The following COPG2 variants were observed in gnomAD, a reference collection of about 807,000 sequenced individuals.
COPG2 encodes the protein coatomer subunit gamma-2.
Under a neutral mutation model 46.3 loss-of-function variants are expected in COPG2, and 37 were observed. That is an observed-to-expected ratio of 0.80 (90% CI 0.61 to 1.05). The LOEUF (loss-of-function observed/expected upper bound fraction) is 1.05. Among genes scored for constraint, COPG2 ranks in the 50% least tolerant of loss-of-function variants. COPG2 has a pLI of 0.00. For missense variants in COPG2, 427 were observed against 387.8 expected, an observed-to-expected ratio of 1.10 and a Z score of -0.85; for synonymous variants, 159 against 129.7, an observed-to-expected ratio of 1.23 and a Z score of -1.53.
intron 4 of COPG2, among the ~76,000 whole-genome samples, chr7:130,661,924 A>G (rs1795988423): frequency 6.6e-6 from 1 of 152,186 alleles, no homozygotes; most frequent in Non-Finnish European, 1.5e-5. Flanking sequence ...GACTTCTACA[A>G]AGTATATCCT....
Position 130,667,510 on chromosome 7 carries a change from T to C in COPG2, c.62A>G (p.His21Arg). The stretch of plus-strand genomic sequence containing the variant: ...CTGTAAAACAGCACTCTTCTCCAGA[T>C]GCTGGAAAGGATTGGAGCCACTACC... ...ESGSGSNPFQ[H>R]LEKSAVLQEA... Residue 21 changes from histidine to arginine, a missense_variant, in exon 2 of 24, where the codon CAT becomes CGT. His to Arg is a conservative substitution (Grantham distance 29). Coordinates refer to ENST00000425248, the MANE Select transcript of COPG2 (RefSeq NM_012133.6). The C allele has an allele frequency of 6.2e-7, 1 of 1,613,650 alleles. No individual in the cohort carries two copies. The highest frequency in any genetic ancestry group is 1.1e-5 in the South Asian group (1 of 91,004).
chr7:130,550,683 C>T (rs1247084798), intron 16 of COPG2, 34 bp from the exon 17 acceptor site: 1 of 394,950 alleles, frequency 2.5e-6, no homozygotes, highest in Admixed American at 4.4e-5. Context: ...GCATTATAAC[C>T]TCTTGCCAAT....
chr7:130,512,176 G>A (rs1799607143), intron 20 of COPG2, among the ~76,000 whole-genome samples: 2 of 151,754 alleles, frequency 1.3e-5, no homozygotes, highest in African/African-American at 4.8e-5. Context: ...AGAGGTTGTG[G>A]TAAGCCGAGT....
chr7:130,507,002 G>C (rs1173453859), intron 23 of COPG2, among the ~76,000 whole-genome samples, 196 bp from the exon 24 acceptor site: 1 of 152,150 alleles, frequency 6.6e-6, no homozygotes, highest in Non-Finnish European at 1.5e-5. Context: ...CAGGTACATA[G>C]AAGGTATTCA....
chr7:130,513,060 TG>T (rs1554441217), intron 20 of COPG2, among the ~76,000 whole-genome samples: 1 of 150,850 alleles, frequency 6.6e-6, no homozygotes, highest in East Asian at 2.0e-4. Flanking sequence ...CTGAGACAGG[TG>T]GATCATTTGA....
intron 3 of COPG2, among the ~76,000 whole-genome samples, chr7:130,666,016 C>T (rs1390658524): frequency 6.6e-6 from 1 of 152,096 alleles, no homozygotes; most frequent in Admixed American, 6.5e-5. Flanking sequence ...GAAAACTATT[C>T]CTGAATGCTT....
chr7:130,507,564 T>G (rs2116322515), intron 22 of COPG2, 121 bp downstream of exon 22: 1 of 653,716 alleles, frequency 1.5e-6, no homozygotes, highest in Non-Finnish European at 2.8e-6. Context: ...GGTGCTGGCC[T>G]TTTAAGTAAG....
chr7:130,667,108 C>T (rs1218899232), intron 2 of COPG2, among the ~76,000 whole-genome samples, 179 bp from the exon 3 acceptor site: 1 of 152,210 alleles, frequency 6.6e-6, no homozygotes, highest in Non-Finnish European at 1.5e-5. Context: ...CCATCCTATA[C>T]TTTCTCATTC....
intron 9 of COPG2, among the ~76,000 whole-genome samples, chr7:130,594,628 A>G (rs2116469314): frequency 6.6e-6 from 1 of 152,348 alleles, no homozygotes; most frequent in South Asian, 2.1e-4. Flanking sequence ...AGGGTTTAGT[A>G]TCCAACATAT....
chr7:130,589,379 C>T (rs1169570197), intron 9 of COPG2, among the ~76,000 whole-genome samples: 2 of 151,842 alleles, frequency 1.3e-5, no homozygotes, highest in East Asian at 3.9e-4. Context: ...ACCTTGAAGG[C>T]CTTCTGTGAT....
chr7:130,644,064 T>A (rs1385914805), intron 5 of COPG2, among the ~76,000 whole-genome samples: 3 of 152,214 alleles, frequency 2.0e-5, no homozygotes, highest in African/African-American at 7.2e-5. Flanking sequence ...AAAGTCTCTC[T>A]CCGATTCTAT....
Position 130,508,631 on chromosome 7 carries a change from CT to C in COPG2, c.2177del (p.Lys726SerfsTer30). On this transcript the variant is annotated frameshift_variant, in exon 21 of 24. Transcript: ENST00000425248. LOFTEE classifies it high-confidence loss of function. ...AVAGSFSCTM[K>X]FTVRDCDPNT... ...TAGGGTCACAGTCCCGGACTGTAAA[CT>C]TCATGGTGCAGCTAAAGGAGCCTGC... The C allele has an allele frequency of 2.6e-6, 2 of 772,620 alleles. No homozygotes were observed. Among genetic ancestry groups the C allele is most frequent in the Non-Finnish European group, 4.8e-6 (2 of 414,448 alleles). The allele number at this position is 772,620 out of a possible 1,614,324, so 47.9% of individuals were successfully genotyped here.
intron 9 of COPG2, among the ~76,000 whole-genome samples, chr7:130,601,203 T>C (rs1554450310): frequency 6.6e-6 from 1 of 152,228 alleles, no homozygotes; most frequent in African/African-American, 2.4e-5. Context: ...ATAGGAACTC[T>C]TTTACACTGT....
intron 5 of COPG2, among the ~76,000 whole-genome samples, chr7:130,639,307 G>C (rs1300753707): frequency 1.3e-5 from 2 of 152,176 alleles, no homozygotes; most frequent in African/African-American, 4.8e-5. Flanking sequence ...TCTTTCCATT[G>C]ATTTCAAGAG....
chr7:130,603,769 G>C (rs1014053111), intron 9 of COPG2: 1 of 486,880 alleles, frequency 2.1e-6, no homozygotes, highest in Non-Finnish European at 4.1e-6. Flanking sequence ...ATGAATAACA[G>C]TACTATAGGC....
rs1386033872 is a variant in COPG2, at chr7:130,643,093, G to A, written c.323+9776C>T. ...GGGCGGATCATGAGGTCAGGAGATC[G>A]AGACCATCCTGGCTAACATGGTGAA... is the stretch of plus-strand genomic sequence containing the variant. On this transcript the variant is annotated intron_variant, in intron 5 of 23. Transcript: ENST00000425248. Among the ~76,000 whole-genome samples, 4 of 152,086 alleles carry A rather than the reference G, an allele frequency of 2.6e-5. No homozygotes were observed. In the East Asian group the frequency reaches 5.8e-4, roughly 22 times the overall value.
intron 4 of COPG2, among the ~76,000 whole-genome samples, chr7:130,658,311 T>A (rs1554460160): frequency 6.6e-6 from 1 of 152,214 alleles, no homozygotes. Context: ...CAGTATGATA[T>A]CATTCATATG....
chr7:130,520,512 A>G (rs1799715416), intron 20 of COPG2, among the ~76,000 whole-genome samples: 1 of 152,226 alleles, frequency 6.6e-6, no homozygotes. Context: ...GATTTACATT[A>G]TATATACATC....
chr7:130,562,504 T>C (rs1793735793), intron 11 of COPG2, among the ~76,000 whole-genome samples: 1 of 152,256 alleles, frequency 6.6e-6, no homozygotes, highest in African/African-American at 2.4e-5. Flanking sequence ...TCTATTACAT[T>C]TAACTTTCAT....
Sources: allele counts gnomAD v4.1 joint callset (sites outside exome capture counted in the v4.1 genomes callset), GRCh38; gene constraint gnomAD v4.1.1; transcripts MANE v1.5; gene names NCBI Gene and HGNC (gene_info 2026-07-23, HGNC 2026-07-21).